The following UBE3D variants were observed in gnomAD, a reference collection of about 807,000 sequenced individuals.
UBE3D encodes ubiquitin protein ligase E3D, also known as E3 ubiquitin-protein ligase E3D.
UBE3D carries 48 observed loss-of-function variants against 49.6 expected under a neutral mutation model. The observed-to-expected ratio is 0.97, with a 90% CI of 0.77 to 1.23. The LOEUF is 1.23. Ranked by LOEUF, UBE3D falls within the 50% of genes most tolerant of loss-of-function variation. The probability of loss-of-function intolerance (pLI) is 0.00; values close to 1 mark genes in which losing one functional copy is unlikely to be tolerated. For missense variants in UBE3D, 452 were observed against 468.4 expected, an observed-to-expected ratio of 0.96 and a Z score of 0.32; for synonymous variants, 189 against 174.2, an observed-to-expected ratio of 1.08 and a Z score of -0.67.
At chr6:82,943,873 T>C (rs899471910) in intron 9 of UBE3D, among the ~76,000 whole-genome samples, 1 of 151,746 alleles carries the variant, frequency 6.6e-6, no homozygotes, top group Non-Finnish European at 1.5e-5. Flanking sequence ...CTGGTTACAG[T>C]GGAAAGCAAA....
chr6:83,003,331 T>G (rs1190381716), intron 8 of UBE3D, among the ~76,000 whole-genome samples: 3 of 152,106 alleles, frequency 2.0e-5, no homozygotes, highest in African/African-American at 7.2e-5. Flanking sequence ...AACCAGATTC[T>G]CCTCAAGGAA....
At chr6:82,967,623 T>C (rs1295923055) in intron 8 of UBE3D, among the ~76,000 whole-genome samples, 1 of 152,116 alleles carries the variant, frequency 6.6e-6, no homozygotes, top group African/African-American at 2.4e-5. Context: ...TCCAAGTAAT[T>C]GTATCAACAG....
intron 9 of UBE3D, among the ~76,000 whole-genome samples, chr6:82,922,503 T>C (rs1773420440): frequency 6.6e-6 from 1 of 152,168 alleles, no homozygotes; most frequent in Non-Finnish European, 1.5e-5. Flanking sequence ...ATTTAATAAA[T>C]GGTCTTGGGA....
chr6:83,033,492 G>A lies in UBE3D; in HGVS notation c.667+4924C>T, dbSNP rs184040401. ...TGGTGGGAGGTGACTGGATTATGGC[G>A]GTGGGTCCTTCATGAATGGTTTAGC... On this transcript the variant is annotated intron_variant, in intron 5 of 9. Transcript: ENST00000369747. Among the ~76,000 whole-genome samples the A allele has an allele frequency of 1.6e-4, 25 of 152,170 alleles. No homozygotes were observed. The East Asian group carries it at 3.3e-3, about 20-fold the overall frequency.
chr6:83,042,712 C>T (rs1286273925), intron 4 of UBE3D, among the ~76,000 whole-genome samples: 1 of 152,100 alleles, frequency 6.6e-6, no homozygotes, highest in African/African-American at 2.4e-5. Flanking sequence ...TCTAAGGACC[C>T]TTGATATTGT....
chr6:83,065,441 C>CAAAG (rs1415085457), intron 1 of UBE3D, among the ~76,000 whole-genome samples: 1 of 152,088 alleles, frequency 6.6e-6, no homozygotes, highest in African/African-American at 2.4e-5. Flanking sequence ...AAAAGCTCCC[C>CAAAG]AAAGATACCC....
intron 9 of UBE3D, among the ~76,000 whole-genome samples, chr6:82,921,133 T>C (rs1348226620): frequency 6.6e-6 from 1 of 152,080 alleles, no homozygotes; most frequent in Non-Finnish European, 1.5e-5. Context: ...TTTTTATATT[T>C]TTAGTAGACT....
chr6:82,952,248 G>C (rs1208386404), intron 9 of UBE3D, among the ~76,000 whole-genome samples: 5 of 152,000 alleles, frequency 3.3e-5, no homozygotes, highest in Non-Finnish European at 5.9e-5. Flanking sequence ...TGGGAATGTT[G>C]TGCACCTGTG....
chr6:82,966,639 G>T (rs1776952471), intron 8 of UBE3D, among the ~76,000 whole-genome samples: 1 of 50,254 alleles, frequency 2.0e-5, no homozygotes, highest in Non-Finnish European at 3.4e-5. Flanking sequence ...GACAGAGCGA[G>T]ACTCCGTCTC....
At chr6:83,030,580 G>C (rs1278276340) in intron 5 of UBE3D, among the ~76,000 whole-genome samples, 1 of 152,152 alleles carries the variant, frequency 6.6e-6, no homozygotes, top group Non-Finnish European at 1.5e-5. Context: ...AGCAGCATGA[G>C]AACGGACTAA....
intron 9 of UBE3D, among the ~76,000 whole-genome samples, chr6:82,945,316 T>C (rs1233123401): frequency 5.9e-5 from 9 of 152,176 alleles, no homozygotes. Context: ...AGAGACTGAC[T>C]GACTCCATTT....
At chr6:83,008,382 TAAAC>T (rs1423118305) in intron 8 of UBE3D, among the ~76,000 whole-genome samples, 2 of 152,106 alleles carry the variant, frequency 1.3e-5, no homozygotes, top group African/African-American at 2.4e-5. Flanking sequence ...TAAATGCTGA[TAAAC>T]AAACTAAAAA....
chr6:82,980,398 T>C (rs1379435978), intron 8 of UBE3D, among the ~76,000 whole-genome samples: 1 of 152,142 alleles, frequency 6.6e-6, no homozygotes, highest in Non-Finnish European at 1.5e-5. Flanking sequence ...AAATGTCTAC[T>C]CATGTCCTTT....
chr6:83,023,618 T>A (rs951137281), intron 6 of UBE3D, among the ~76,000 whole-genome samples: 2 of 152,196 alleles, frequency 1.3e-5, no homozygotes, highest in African/African-American at 2.4e-5. Flanking sequence ...TTATTCTAAG[T>A]GAAGTAACTC....
intron 8 of UBE3D, among the ~76,000 whole-genome samples, chr6:82,998,636 T>G (rs1239578133): frequency 6.6e-6 from 1 of 152,230 alleles, no homozygotes; most frequent in Non-Finnish European, 1.5e-5. Flanking sequence ...CAATAATCTT[T>G]GGTACTTAAA....
At chr6:82,893,731 G>T (rs1341687488) in intron 9 of UBE3D, among the ~76,000 whole-genome samples, 4 of 152,210 alleles carry the variant, frequency 2.6e-5, no homozygotes, top group Non-Finnish European at 5.9e-5. Flanking sequence ...AGATCGTGAA[G>T]TATGGGAGGC....
intron 9 of UBE3D, among the ~76,000 whole-genome samples, chr6:82,926,460 C>A (rs1290426166): frequency 6.6e-6 from 1 of 152,106 alleles, no homozygotes; most frequent in Non-Finnish European, 1.5e-5. Flanking sequence ...TAAGTTTGAG[C>A]ACCTTTGGTA....
intron 6 of UBE3D, 45 bp downstream of exon 6, chr6:83,023,923 GA>G (rs143069901): frequency 2.0e-5 from 26 of 1,310,568 alleles, no homozygotes; most frequent in Middle Eastern, 2.5e-4. Context: ...TCTGAATGGG[GA>G]AAAAAATAAA....
intron 8 of UBE3D, among the ~76,000 whole-genome samples, chr6:83,015,941 G>C (rs914105498): frequency 1.3e-5 from 2 of 152,198 alleles, no homozygotes; most frequent in African/African-American, 4.8e-5. Flanking sequence ...TACAAGCTCA[G>C]TGTCCCCAGC....
Sources: allele counts gnomAD v4.1 joint callset (sites outside exome capture counted in the v4.1 genomes callset), GRCh38; gene constraint gnomAD v4.1.1; transcripts MANE v1.5; gene names NCBI Gene and HGNC (gene_info 2026-07-23, HGNC 2026-07-21).